Variants in FYB1 observed in about 807,000 individuals in gnomAD.
FYB1 encodes FYN-binding protein 1.
A neutral mutation model predicts 94.1 loss-of-function variants in FYB1; 41 were observed. That is an observed-to-expected ratio of 0.44 (90% CI 0.34 to 0.57). FYB1 has a LOEUF of 0.57. Among genes scored for constraint, FYB1 ranks in the 20% least tolerant of loss-of-function variants. The probability of loss-of-function intolerance (pLI) is 0.02; values close to 1 mark genes in which losing one functional copy is unlikely to be tolerated. For synonymous variants in FYB1, 367 were observed against 353.2 expected, an observed-to-expected ratio of 1.04 and a Z score of -0.44; for missense variants, 1,050 against 976.8, an observed-to-expected ratio of 1.07 and a Z score of -1.00.
intron 2 of FYB1, among the ~76,000 whole-genome samples, chr5:39,188,165 C>T (rs1458370552): frequency 6.6e-6 from 1 of 152,046 alleles, no homozygotes; most frequent in Admixed American, 6.6e-5. Flanking sequence ...TCTTTGTGAT[C>T]CAGTAACTAA....
chr5:39,169,100 G>A (rs112303695), intron 2 of FYB1: 5 of 632,588 alleles, frequency 7.9e-6, no homozygotes. Flanking sequence ...AAAGCTTGTA[G>A]TGATAAAATA....
chr5:39,172,726 C>T (rs1561210874), intron 2 of FYB1, among the ~76,000 whole-genome samples: 1 of 152,110 alleles, frequency 6.6e-6, no homozygotes, highest in Non-Finnish European at 1.5e-5. Flanking sequence ...TGTGTTAGTT[C>T]GCTTAGGATA....
intron 14 of FYB1, 102 bp downstream of exon 14, chr5:39,122,229 AGGATC>A: frequency 1.4e-6 from 1 of 704,778 alleles, no homozygotes; most frequent in East Asian, 2.8e-5. Flanking sequence ...CAGAGCCAAC[AGGATC>A]GCACACAGTA....
At chr5:39,139,422 T>A (rs1310927659) in intron 4 of FYB1, 170 bp from the exon 5 acceptor site, 1 of 505,708 alleles carries the variant, frequency 2.0e-6, no homozygotes, top group Non-Finnish European at 3.1e-6. Context: ...AGATCTTTAC[T>A]ATGGCTTTTA....
At chr5:39,209,762 C>A (rs1271658790) in intron 1 of FYB1, among the ~76,000 whole-genome samples, 1 of 152,218 alleles carries the variant, frequency 6.6e-6, no homozygotes, top group Non-Finnish European at 1.5e-5. Context: ...AGACACATCC[C>A]TGATCCTGGC....
intron 2 of FYB1, among the ~76,000 whole-genome samples, chr5:39,171,294 A>T (rs1417391553): frequency 6.6e-6 from 1 of 152,126 alleles, no homozygotes; most frequent in Non-Finnish European, 1.5e-5. Context: ...TCCAAAAAAA[A>T]AAAAGTAAAC....
At chr5:39,149,583 G>C (rs573555214) in intron 3 of FYB1, among the ~76,000 whole-genome samples, 1 of 152,046 alleles carries the variant, frequency 6.6e-6, no homozygotes, top group Non-Finnish European at 1.5e-5. Flanking sequence ...TAAAGGAGTT[G>C]TTTATATTTG....
At chr5:39,163,089 G>A (rs1044353180) in intron 2 of FYB1, among the ~76,000 whole-genome samples, 6 of 151,950 alleles carry the variant, frequency 3.9e-5, no homozygotes, top group African/African-American at 1.5e-4. Flanking sequence ...TTCAATCCTC[G>A]GCAGCCTTCA....
chr5:39,241,387 T>G (rs146584324), intron 1 of FYB1, among the ~76,000 whole-genome samples: 1 of 152,166 alleles, frequency 6.6e-6, no homozygotes, highest in Non-Finnish European at 1.5e-5. Flanking sequence ...GTCTGGTCCA[T>G]GGAAAATGTA....
chr5:39,252,600 A>C (rs1751774292), intron 1 of FYB1, among the ~76,000 whole-genome samples: 1 of 152,252 alleles, frequency 6.6e-6, no homozygotes, highest in Non-Finnish European at 1.5e-5. Flanking sequence ...GTTAACTAAC[A>C]ATCTGGTACC....
At chr5:39,127,339 ATTG>A (rs947209543) in intron 11 of FYB1, among the ~76,000 whole-genome samples, 1 of 150,018 alleles carries the variant, frequency 6.7e-6, no homozygotes, top group African/African-American at 2.4e-5. Context: ...CTCTTCAGGG[ATTG>A]TTGTAAAAGT....
At chr5:39,138,556 C>A (rs1252289687) in intron 6 of FYB1, 101 bp downstream of exon 6, 2 of 624,460 alleles carry the variant, frequency 3.2e-6, no homozygotes, top group Non-Finnish European at 5.5e-6. Context: ...TTGAACAAAT[C>A]AAGCTTCCCT....
intron 2 of FYB1, among the ~76,000 whole-genome samples, chr5:39,189,339 G>T (rs148383398): frequency 6.7e-6 from 1 of 150,200 alleles, no homozygotes; most frequent in Admixed American, 6.7e-5. Context: ...CTCAGTTTCC[G>T]TACTTGCATT....
At chr5:39,182,279 G>GTA (rs1554034023) in intron 2 of FYB1, among the ~76,000 whole-genome samples, 2 of 145,136 alleles carry the variant, frequency 1.4e-5, no homozygotes, top group Non-Finnish European at 3.0e-5. Context: ...TTGTGTGTGT[G>GTA]TGCATGCATG....
chr5:39,135,183 A>G (rs2150318480), intron 7 of FYB1, among the ~76,000 whole-genome samples, 169 bp from the exon 8 acceptor site: 1 of 152,288 alleles, frequency 6.6e-6, no homozygotes, highest in South Asian at 2.1e-4. Context: ...AGGAGGGGTT[A>G]GGGAAAAATC....
chr5:39,216,742 G>A (rs1300868138), intron 1 of FYB1, among the ~76,000 whole-genome samples: 2 of 152,196 alleles, frequency 1.3e-5, no homozygotes, highest in Non-Finnish European at 2.9e-5. Context: ...TCCCAGCTGG[G>A]ATTATCCCTG....
At chr5:39,241,950 C>T (rs540741606) in intron 1 of FYB1, among the ~76,000 whole-genome samples, 2 of 151,768 alleles carry the variant, frequency 1.3e-5, no homozygotes, top group African/African-American at 4.8e-5. Context: ...TTTATTAGGC[C>T]AAAGATGTTG....
intron 14 of FYB1, among the ~76,000 whole-genome samples, chr5:39,120,335 G>GACTT (rs1739974814): frequency 6.6e-6 from 1 of 151,794 alleles, no homozygotes; most frequent in Admixed American, 6.6e-5. Context: ...TCAGTTAATG[G>GACTT]ACTTACTTTT....
At chr5:39,258,958 A>G (rs1752097636) in intron 1 of FYB1, among the ~76,000 whole-genome samples, 1 of 152,164 alleles carries the variant, frequency 6.6e-6, no homozygotes, top group African/African-American at 2.4e-5. Flanking sequence ...AACCAAGGGC[A>G]GTAAGAGACA....
Sources: gnomAD v4.1 joint callset for allele counts (sites outside exome capture counted in the v4.1 genomes callset) on GRCh38, gnomAD v4.1.1 for gene constraint, MANE v1.5 for transcripts, NCBI Gene and HGNC (gene_info 2026-07-23, HGNC 2026-07-21) for gene names.